FGF12: variants seen among roughly 807,000 people sequenced by gnomAD.
FGF12 encodes the protein fibroblast growth factor 12B.
FGF12 carries 14 observed loss-of-function variants against 23.6 expected under a neutral mutation model. The observed-to-expected ratio is 0.59, with a 90% CI of 0.39 to 0.93. FGF12 has a LOEUF of 0.93. Among genes scored for constraint, FGF12 ranks in the 40% least tolerant of loss-of-function variants. The pLI is 0.00. For missense variants in FGF12, 175 were observed against 217.8 expected, an observed-to-expected ratio of 0.80 and a Z score of 1.24; for synonymous variants, 62 against 77.3, an observed-to-expected ratio of 0.80 and a Z score of 1.04.
intron 4 of FGF12, among the ~76,000 whole-genome samples, chr3:192,187,147 A>G (rs1716515644): frequency 1.3e-5 from 2 of 152,200 alleles, no homozygotes; most frequent in Non-Finnish European, 2.9e-5. Context: ...CCCTAATAGA[A>G]TCAGCATGCA....
intron 2 of FGF12, among the ~76,000 whole-genome samples, chr3:192,615,274 G>C (rs919300512): frequency 1.3e-5 from 2 of 151,900 alleles, no homozygotes; most frequent in South Asian, 4.1e-4. Context: ...TTAAATGTGT[G>C]TGTTTTTTTA....
At chr3:192,311,769 G>A (rs780932377) in intron 4 of FGF12, among the ~76,000 whole-genome samples, 41 of 152,170 alleles carry the variant, frequency 2.7e-4, no homozygotes, top group Non-Finnish European at 5.7e-4. Flanking sequence ...CACTAGCAGT[G>A]TATAAGAGTT....
At chr3:192,630,851 C>T (rs1017450295) in intron 2 of FGF12, among the ~76,000 whole-genome samples, 10 of 152,054 alleles carry the variant, frequency 6.6e-5, no homozygotes, top group African/African-American at 2.4e-4. Flanking sequence ...AGCCACCGCG[C>T]CCGGCCCACT....
At chr3:192,603,144 C>T (rs532152596) in intron 2 of FGF12, among the ~76,000 whole-genome samples, 7 of 152,254 alleles carry the variant, frequency 4.6e-5, no homozygotes, top group Admixed American at 2.0e-4. Context: ...TGTCCACTCT[C>T]ACCACTCCTA....
rs544910008 is a variant in FGF12, at chr3:192,680,575, T to A, written c.13+46606A>T. ...GCGGACAGAAGAAAACTTTCCGCAA[T>A]GAAAAAGACCAGTGATTGCACAGCA... is the stretch of plus-strand genomic sequence containing the variant. On this transcript the variant is annotated intron_variant, in intron 2 of 5. Coordinates refer to ENST00000445105, the MANE Select transcript of FGF12 (RefSeq NM_004113.6). Among the ~76,000 whole-genome samples, 48 of 152,094 alleles carry A rather than the reference T, an allele frequency of 3.2e-4. No individual in the cohort carries two copies. In the South Asian group the frequency reaches 4.6e-3, roughly 14 times the overall value.
intron 4 of FGF12, among the ~76,000 whole-genome samples, chr3:192,333,075 C>T (rs1188792261): frequency 1.3e-5 from 2 of 152,144 alleles, no homozygotes; most frequent in African/African-American, 2.4e-5. Flanking sequence ...CCCACCCCCT[C>T]GTAACCTCAG....
At chr3:192,300,395 G>A (rs1178417187) in intron 4 of FGF12, among the ~76,000 whole-genome samples, 1 of 152,064 alleles carries the variant, frequency 6.6e-6, no homozygotes, top group Non-Finnish European at 1.5e-5. Flanking sequence ...GTCCAGATGG[G>A]ACCTAATAGT....
chr3:192,275,924 G>T (rs1488241476), intron 4 of FGF12, among the ~76,000 whole-genome samples: 2 of 152,048 alleles, frequency 1.3e-5, no homozygotes, highest in African/African-American at 4.8e-5. Context: ...GAGATGGATT[G>T]GAACCCCTTT....
chr3:192,228,846 C>T (rs181296345), intron 4 of FGF12, among the ~76,000 whole-genome samples: 15 of 152,224 alleles, frequency 9.9e-5, no homozygotes, highest in Admixed American at 2.0e-4. Flanking sequence ...ACTTTTAATA[C>T]TGCGTCTGAG....
chr3:192,218,509 GC>G (rs1269222976), intron 4 of FGF12, among the ~76,000 whole-genome samples: 4 of 151,998 alleles, frequency 2.6e-5, no homozygotes, highest in Admixed American at 2.6e-4. Context: ...AAATTGTGTG[GC>G]ACCTCCCCGT....
intron 2 of FGF12, among the ~76,000 whole-genome samples, chr3:192,606,135 T>C (rs142884693): frequency 0.019 from 2,882 of 152,326 alleles, 35 homozygotes; most frequent in Non-Finnish European, 0.031. Flanking sequence ...TGTCCATCAA[T>C]GGTGGACTGG....
chr3:192,457,731 T>C (rs1179731563), intron 2 of FGF12, among the ~76,000 whole-genome samples: 1 of 152,154 alleles, frequency 6.6e-6, no homozygotes, highest in Non-Finnish European at 1.5e-5. Context: ...ATACCCATTT[T>C]TGAGGAGAAA....
At chr3:192,201,483 T>C (rs1717363573) in intron 4 of FGF12, among the ~76,000 whole-genome samples, 1 of 152,226 alleles carries the variant, frequency 6.6e-6, no homozygotes, top group Admixed American at 6.5e-5. Context: ...GTGAGTTATT[T>C]GACATTATCC....
intron 3 of FGF12, among the ~76,000 whole-genome samples, chr3:192,337,499 C>G (rs1487781948): frequency 6.6e-6 from 1 of 152,154 alleles, no homozygotes; most frequent in Non-Finnish European, 1.5e-5. Context: ...GTCTGTCACT[C>G]TAATCTTAGA....
intron 2 of FGF12, among the ~76,000 whole-genome samples, chr3:192,585,475 C>G (rs559445174): frequency 6.6e-6 from 1 of 152,088 alleles, no homozygotes; most frequent in Admixed American, 6.5e-5. Context: ...AAGTTTCCTG[C>G]TCCCACTCTA....
At chr3:192,672,058 C>T (rs923037449) in intron 2 of FGF12, among the ~76,000 whole-genome samples, 1 of 152,206 alleles carries the variant, frequency 6.6e-6, no homozygotes, top group Non-Finnish European at 1.5e-5. Context: ...AACAGCCAAG[C>T]CAGCACTAGA....
chr3:192,353,175 AT>A (rs2108725216), intron 3 of FGF12, among the ~76,000 whole-genome samples: 1 of 152,330 alleles, frequency 6.6e-6, no homozygotes, highest in East Asian at 1.9e-4. Flanking sequence ...CCAAAAACAG[AT>A]CAAAGACAAC....
At chr3:192,400,374 T>C (rs1482830668) in intron 2 of FGF12, among the ~76,000 whole-genome samples, 2 of 149,704 alleles carry the variant, frequency 1.3e-5, no homozygotes, top group Non-Finnish European at 3.0e-5. Flanking sequence ...CTTTTCTTTT[T>C]TTTTTTTTTT....
At chr3:192,146,640 GC>G (rs1289373318) in intron 5 of FGF12, among the ~76,000 whole-genome samples, 1 of 151,800 alleles carries the variant, frequency 6.6e-6, no homozygotes, top group Admixed American at 6.6e-5. Flanking sequence ...GTTTTTTTAT[GC>G]CACAGATTCT....
Sources: gnomAD v4.1 joint callset for allele counts (sites outside exome capture counted in the v4.1 genomes callset) on GRCh38, gnomAD v4.1.1 for gene constraint, MANE v1.5 for transcripts, NCBI Gene and HGNC (gene_info 2026-07-23, HGNC 2026-07-21) for gene names.